Variants in NSD3 observed in about 807,000 individuals in gnomAD.
The protein encoded by NSD3 is histone-lysine N-methyltransferase NSD3.
NSD3 carries 24 observed loss-of-function variants against 160.8 expected under a neutral mutation model. The observed-to-expected ratio is 0.15, with a 90% CI of 0.11 to 0.21. The LOEUF is 0.21. Ranked by LOEUF, NSD3 falls within the 10% of genes least tolerant of loss-of-function variation. NSD3 has a pLI of 1.00. For synonymous variants in NSD3, 520 were observed against 600.0 expected, an observed-to-expected ratio of 0.87 and a Z score of 1.95; for missense variants, 1,157 against 1,735.9, an observed-to-expected ratio of 0.67 and a Z score of 5.93.
intron 20 of NSD3, chr8:38,279,933 A>G (rs1032334616): frequency 4.9e-6 from 2 of 412,212 alleles, no homozygotes; most frequent in African/African-American, 4.0e-5. Flanking sequence ...CAAATAGACC[A>G]TGGAATAATG....
intron 6 of NSD3, among the ~76,000 whole-genome samples, chr8:38,327,458 A>G (rs1043584078): frequency 5.3e-5 from 8 of 152,208 alleles, no homozygotes; most frequent in African/African-American, 1.7e-4. Context: ...CCCAGGTTCA[A>G]GTAATTCTGC....
At chr8:38,308,274 G>A (rs1360842499) in intron 12 of NSD3, among the ~76,000 whole-genome samples, 1 of 151,920 alleles carries the variant, frequency 6.6e-6, no homozygotes, top group Non-Finnish European at 1.5e-5. Flanking sequence ...TTTTTAAATT[G>A]TTTTGCAGAA....
chr8:38,350,422 T>C (rs1810661404), intron 1 of NSD3, among the ~76,000 whole-genome samples: 1 of 152,244 alleles, frequency 6.6e-6, no homozygotes, highest in Non-Finnish European at 1.5e-5. Flanking sequence ...TGATTTGCAT[T>C]TGTCTGATGG....
At position 38,271,398 on chromosome 8, in the gene NSD3, T is replaced by TC. The variant is rs111342587; in HGVS notation, c.*4242dup. 213 of 151,310 alleles carry TC rather than the reference T, an allele frequency of 1.4e-3. No homozygotes were observed. Among genetic ancestry groups the TC allele is most frequent in the African/African-American group, 4.2e-3 (174 of 41,250 alleles). 9.4% of individuals were successfully genotyped at this position (151,310 alleles called of 1,614,324 possible). A position where few individuals can be genotyped will look rare whatever the true frequency, so the allele number is the denominator to read the frequency against. Reference sequence around the variant, plus strand: ...TATTTCGTACCTGTGGTAAACATTATCCCCCCCCTTACCCTTTACCAGGAG... The same window carrying TC: ...TATTTCGTACCTGTGGTAAACATTATCCCCCCCCCTTACCCTTTACCAGGAG... On this transcript the variant is annotated 3_prime_UTR_variant, in exon 24 of 24. Transcript: ENST00000317025.
rs1027675062 is a variant in NSD3 at position 38,269,836 on chromosome 8, A to C, written c.*5805T>G. 34 of 152,280 alleles carry C rather than the reference A, an allele frequency of 2.2e-4. No individual in the cohort carries two copies. Among genetic ancestry groups the C allele is most frequent in the African/African-American group, 8.0e-4 (33 of 41,468 alleles). 9.4% of individuals were successfully genotyped at this position (152,280 alleles called of 1,614,324 possible). On this transcript the variant is annotated 3_prime_UTR_variant, in exon 24 of 24. Coordinates refer to ENST00000317025, the MANE Select transcript of NSD3 (RefSeq NM_023034.2). Reference sequence around the variant, plus strand: ...ACATTGGAATTCCAAAGTATTTGTAAAATAAAAAAGGCAACATCTCAGTAA... The same window carrying C: ...ACATTGGAATTCCAAAGTATTTGTACAATAAAAAAGGCAACATCTCAGTAA...
intron 1 of NSD3, among the ~76,000 whole-genome samples, chr8:38,356,038 T>C (rs1810815714): frequency 6.6e-6 from 1 of 152,150 alleles, no homozygotes; most frequent in Non-Finnish European, 1.5e-5. Context: ...GAACCTCACT[T>C]CACCCTTCTC....
intron 1 of NSD3, among the ~76,000 whole-genome samples, chr8:38,373,657 A>C (rs759885855): frequency 1.3e-5 from 2 of 152,092 alleles, no homozygotes; most frequent in Non-Finnish European, 2.9e-5. Context: ...AATCAATTTG[A>C]TAAACTAATT....
chr8:38,279,589 C>T lies in NSD3; in HGVS notation c.3711G>A (p.Val1237=). Residue 1237 remains valine, a synonymous_variant, in exon 21 of 24, where the codon GTG becomes GTA. Coordinates refer to ENST00000317025, the MANE Select transcript of NSD3 (RefSeq NM_023034.2). Reference sequence around the variant, plus strand: ...ATAGTCCCACTCGAACATCTCCATTCACTGTCCACTTTTGTGTTTCACAGT... The same window carrying T: ...ATAGTCCCACTCGAACATCTCCATTTACTGTCCACTTTTGTGTTTCACAGT... The part of the protein sequence containing the change: ...NPNCETQKWT[V]NGDVRVGLFA... 6.2e-7 allele frequency: 1 copy of T among 1,614,180 alleles called. No homozygotes were observed. Among genetic ancestry groups the T allele is most frequent in the East Asian group, 2.2e-5 (1 of 44,878 alleles).
At position 38,295,810 on chromosome 8, in the gene NSD3, T is replaced by C. The variant is rs1809121723; in HGVS notation, c.2901A>G (p.Lys967=). The C allele has an allele frequency of 6.2e-7, 1 of 1,612,568 alleles. No individual in the cohort carries two copies. The highest frequency in any genetic ancestry group is 1.3e-5 in the African/African-American group (1 of 74,810). ...KLHYKQIVWV[K]LGNYRWWPAE... is the part of the protein sequence containing the mutation. ...GAAAAACTTGCCTGTAATTTCCCAA[T>C]TTGACCCAAACAATCTGCTTGTAAT... Residue 967 remains lysine, a synonymous_variant, in exon 16 of 24, where the codon AAA becomes AAG. Transcript: ENST00000317025.
intron 21 of NSD3, 62 bp downstream of exon 21, chr8:38,279,478 A>C: frequency 6.3e-7 from 1 of 1,575,676 alleles, no homozygotes; most frequent in Non-Finnish European, 8.7e-7. Flanking sequence ...ACCATGTCCT[A>C]GCTCTATAGG....
At chr8:38,312,780 A>T (rs1809565214) in intron 12 of NSD3, among the ~76,000 whole-genome samples, 1 of 152,188 alleles carries the variant, frequency 6.6e-6, no homozygotes. Flanking sequence ...AGATACTGGC[A>T]CTATCCTTTC....
intron 15 of NSD3, 44 bp downstream of exon 15, chr8:38,299,400 G>C: frequency 6.3e-7 from 1 of 1,577,634 alleles, no homozygotes; most frequent in Non-Finnish European, 8.6e-7. Context: ...GAAAAAAATA[G>C]GAAATGCAAA....
chr8:38,311,142 G>A (rs1240596036), intron 12 of NSD3, among the ~76,000 whole-genome samples: 1 of 145,366 alleles, frequency 6.9e-6, no homozygotes, highest in Non-Finnish European at 1.5e-5. Context: ...TCAAACTCCT[G>A]AGCTCAAAGA....
intron 1 of NSD3, among the ~76,000 whole-genome samples, chr8:38,351,010 C>T (rs1479818159): frequency 7.0e-6 from 1 of 143,554 alleles, no homozygotes; most frequent in Non-Finnish European, 1.5e-5. Context: ...CTTGCTCTGT[C>T]GCCCAGGTTG....
chr8:38,359,014 A>C (rs1810892948), intron 1 of NSD3, among the ~76,000 whole-genome samples: 1 of 152,184 alleles, frequency 6.6e-6, no homozygotes, highest in Non-Finnish European at 1.5e-5. Flanking sequence ...TAACTATAGA[A>C]GATGCTAAAA....
chr8:38,307,847 T>C (rs1809445703), intron 12 of NSD3, among the ~76,000 whole-genome samples: 1 of 152,218 alleles, frequency 6.6e-6, no homozygotes, highest in South Asian at 2.1e-4. Context: ...CAAAACAATG[T>C]GGTTATGTTT....
At chr8:38,366,317 A>G (rs1811104618) in intron 1 of NSD3, among the ~76,000 whole-genome samples, 1 of 152,108 alleles carries the variant, frequency 6.6e-6, no homozygotes, top group Non-Finnish European at 1.5e-5. Flanking sequence ...CGTAGCAAAC[A>G]CACTGGAAAA....
chr8:38,336,238 C>T (rs1810212909), intron 4 of NSD3: 1 of 152,208 alleles, frequency 6.6e-6, no homozygotes, highest in Non-Finnish European at 1.5e-5. Flanking sequence ...AGAGTCAATT[C>T]ACAAAGTTAA....
intron 2 of NSD3, among the ~76,000 whole-genome samples, chr8:38,344,997 A>ACTG (rs1810477934): frequency 6.6e-6 from 1 of 152,174 alleles, no homozygotes; most frequent in Admixed American, 6.5e-5. Flanking sequence ...CAGTTGTGAA[A>ACTG]CATTAATTTA....
Sources: allele counts gnomAD v4.1 joint callset (sites outside exome capture counted in the v4.1 genomes callset), GRCh38; gene constraint gnomAD v4.1.1; transcripts MANE v1.5; gene names NCBI Gene and HGNC (gene_info 2026-07-23, HGNC 2026-07-21).